Variants in KANSL1 observed in about 807,000 individuals in gnomAD.
KANSL1 encodes MLL1/MLL complex subunit KANSL1.
A neutral mutation model predicts 103.6 loss-of-function variants in KANSL1; 22 were observed. That is an observed-to-expected ratio of 0.21 (90% CI 0.15 to 0.30). The LOEUF is 0.30. Ranked by LOEUF, KANSL1 falls within the 10% of genes least tolerant of loss-of-function variation. KANSL1 has a pLI of 1.00. For missense variants in KANSL1, 1,337 were observed against 1,399.8 expected (o/e 0.96, Z 0.72); for synonymous variants, 600 against 527.6 (o/e 1.14, Z -1.88).
rs2043959120 is a variant in KANSL1, at chr17:46,133,296, C to T, written c.1289+37559G>A. ...CCAAGCACACGCCCAGACTTCCCCA[C>T]CCAAGGGCATCGTTCTTTTCATTCT... On this transcript the variant is annotated intron_variant, in intron 2 of 14. Transcript: ENST00000432791. Among the ~76,000 whole-genome samples the T allele has an allele frequency of 2.6e-5, 4 of 152,224 alleles. No individual in the cohort carries two copies. In the South Asian group the frequency reaches 8.3e-4, roughly 32 times the overall value.
intron 2 of KANSL1, among the ~76,000 whole-genome samples, chr17:46,143,803 C>CAAAAAAAAAAAAAAAAAAA (rs57361021): frequency 6.9e-4 from 59 of 85,518 alleles, no homozygotes; most frequent in Non-Finnish European, 8.5e-4. Flanking sequence ...GACTCCATCT[C>CAAAAAAAAAAAAAAAAAAA]AAAAAAAAAA....
chr17:46,055,998 CATTTT>C (rs1169649699), intron 6 of KANSL1, among the ~76,000 whole-genome samples: 6 of 152,082 alleles, frequency 3.9e-5, no homozygotes, highest in African/African-American at 1.4e-4. Context: ...TATTCATTTT[CATTTT>C]ATTTTATTTT....
At chr17:46,087,343 CA>C (rs2079201852) in intron 3 of KANSL1, among the ~76,000 whole-genome samples, 1 of 152,132 alleles carries the variant, frequency 6.6e-6, no homozygotes, top group Non-Finnish European at 1.5e-5. Flanking sequence ...CATTCAAAAC[CA>C]AACACTGGAT....
intron 2 of KANSL1, among the ~76,000 whole-genome samples, chr17:46,155,443 C>A (rs1395799119): frequency 6.6e-6 from 1 of 152,174 alleles, no homozygotes; most frequent in African/African-American, 2.4e-5. Context: ...CAGGTGTGAA[C>A]CGCTGCTCCC....
At chr17:46,117,951 C>T (rs2043115582) in intron 2 of KANSL1, among the ~76,000 whole-genome samples, 1 of 152,154 alleles carries the variant, frequency 6.6e-6, no homozygotes, top group Admixed American at 6.5e-5. Flanking sequence ...TTAAAAACTA[C>T]TATCTGTTAG....
At chr17:46,086,984 T>C (rs1255780729) in intron 3 of KANSL1, among the ~76,000 whole-genome samples, 1 of 152,114 alleles carries the variant, frequency 6.6e-6, no homozygotes, top group Non-Finnish European at 1.5e-5. Context: ...CCAAGGCTGG[T>C]TGCAAACTCT....
chr17:46,058,743 A>ACT (rs756932556), intron 6 of KANSL1, among the ~76,000 whole-genome samples: 60 of 68,020 alleles, frequency 8.8e-4, no homozygotes, highest in Non-Finnish European at 1.3e-3. Flanking sequence ...ACACACACAC[A>ACT]CTCTCTCTCT....
intron 1 of KANSL1, among the ~76,000 whole-genome samples, chr17:46,183,374 G>A (rs1219181171): frequency 6.6e-6 from 1 of 152,044 alleles, no homozygotes; most frequent in African/African-American, 2.4e-5. Context: ...GAGCCCAGGA[G>A]GAGTTTGAGA....
intron 2 of KANSL1, among the ~76,000 whole-genome samples, chr17:46,133,020 T>C (rs1421675461): frequency 2.0e-5 from 3 of 152,166 alleles, no homozygotes; most frequent in Non-Finnish European, 4.4e-5. Flanking sequence ...TGGAGACTGT[T>C]TGTTTAGGGT....
At chr17:46,069,995 T>C (rs1418190816) in intron 4 of KANSL1, among the ~76,000 whole-genome samples, 2 of 152,192 alleles carry the variant, frequency 1.3e-5, no homozygotes, top group African/African-American at 4.8e-5. Context: ...AAATCTGGCA[T>C]AGACACATTG....
intron 6 of KANSL1, among the ~76,000 whole-genome samples, chr17:46,062,921 A>ACG (rs1416402411): frequency 1.3e-5 from 2 of 152,064 alleles, no homozygotes; most frequent in Non-Finnish European, 2.9e-5. Context: ...GTGGTGGCGT[A>ACG]TGCCTGTAAC....
chr17:46,134,189 G>A (rs1221446548), intron 2 of KANSL1, among the ~76,000 whole-genome samples: 1 of 152,098 alleles, frequency 6.6e-6, no homozygotes, highest in Non-Finnish European at 1.5e-5. Context: ...CCTGAGGTCA[G>A]GAGTTTGAGA....
chr17:46,033,901 G>A (rs1055298033), intron 11 of KANSL1, among the ~76,000 whole-genome samples: 1 of 152,228 alleles, frequency 6.6e-6, no homozygotes, highest in African/African-American at 2.4e-5. Flanking sequence ...AAAACATACT[G>A]TATGTGTTGA....
At chr17:46,069,268 TTC>T (rs1317391476) in intron 4 of KANSL1, among the ~76,000 whole-genome samples, 3 of 152,190 alleles carry the variant, frequency 2.0e-5, no homozygotes, top group African/African-American at 7.2e-5. Context: ...CACGCTGAAG[TTC>T]TCTTTCCTAT....
chr17:46,166,301 C>G (rs1246681296), intron 2 of KANSL1, among the ~76,000 whole-genome samples: 1 of 151,902 alleles, frequency 6.6e-6, no homozygotes. Flanking sequence ...CACCTGAGGT[C>G]AGGAGTTCGA....
At chr17:46,130,187 CAAAAAAAAAAAA>C (rs35017603) in intron 2 of KANSL1, among the ~76,000 whole-genome samples, 2 of 75,472 alleles carry the variant, frequency 2.6e-5, no homozygotes, top group African/African-American at 1.1e-4. Flanking sequence ...ATCCTGTCTC[CAAAAAAAAAAAA>C]AAAAAAAAAG....
chr17:46,063,024 T>C (rs1042669159), intron 6 of KANSL1, among the ~76,000 whole-genome samples: 1 of 152,170 alleles, frequency 6.6e-6, no homozygotes, highest in African/African-American at 2.4e-5. Context: ...CACTCCAGCC[T>C]GAGCAACAGA....
rs73984687 is a variant in KANSL1, at chr17:46,092,641, C to T, written c.1431+1919G>A. On this transcript the variant is annotated intron_variant, in intron 3 of 14. Coordinates refer to ENST00000432791, the MANE Select transcript of KANSL1 (RefSeq NM_015443.4). ...AACATGACTGTATTTGAACAAATTACTTATGTGCTAGGAAAATGTACCATA... is the reference window on the plus strand; with the variant it reads ...AACATGACTGTATTTGAACAAATTATTTATGTGCTAGGAAAATGTACCATA... Among the ~76,000 whole-genome samples the T allele has an allele frequency of 5.5e-3, 746 of 135,736 alleles. 9 individuals carry two copies. The highest frequency in any genetic ancestry group is 0.02 in the African/African-American group (711 of 35,816). The allele number at this position is 135,736 out of a possible 152,430, so 89.0% of individuals were successfully genotyped here. A position where few individuals can be genotyped will look rare whatever the true frequency, so the allele number is the denominator to read the frequency against.
In KANSL1 at chr17:46,193,005, G is replaced by C. The variant is rs1165585822; in HGVS notation, c.-272C>G. On this transcript the variant is annotated 5_prime_UTR_variant, in exon 1 of 15. Coordinates refer to ENST00000432791, the MANE Select transcript of KANSL1 (RefSeq NM_015443.4). Reference sequence around the variant, plus strand: ...GGAGCCGCCCTGACTTTCCGGGCGGGGGGGCGAGGCAGAGGGGGAGGGGAA... The same window carrying C: ...GGAGCCGCCCTGACTTTCCGGGCGGCGGGGCGAGGCAGAGGGGGAGGGGAA... 1.3e-5 allele frequency: 2 copies of C among 152,254 alleles called. No individual in the cohort carries two copies. Among genetic ancestry groups the C allele is most frequent in the African/African-American group, 4.8e-5 (2 of 41,374 alleles). The allele number at this position is 152,254 out of a possible 1,614,324, so 9.4% of individuals were successfully genotyped here. A position where few individuals can be genotyped will look rare whatever the true frequency, so the allele number is the denominator to read the frequency against.
Sources: gnomAD v4.1 joint callset for allele counts (sites outside exome capture counted in the v4.1 genomes callset) on GRCh38, gnomAD v4.1.1 for gene constraint, MANE v1.5 for transcripts, NCBI Gene and HGNC (gene_info 2026-07-23, HGNC 2026-07-21) for gene names.